Variants in FGF5 observed in about 807,000 individuals in gnomAD.
The protein encoded by FGF5 is fibroblast growth factor 5.
Under a neutral mutation model 21.8 loss-of-function variants are expected in FGF5, and 23 were observed. The ratio of observed to expected loss-of-function variants is 1.05; its 90% CI spans 0.76 to 1.49. The LOEUF is 1.49. Ranked by LOEUF, FGF5 falls within the 40% of genes most tolerant of loss-of-function variation. The probability of loss-of-function intolerance (pLI) is 0.00; values close to 1 mark genes in which losing one functional copy is unlikely to be tolerated. For missense variants in FGF5, 352 were observed against 332.9 expected, an observed-to-expected ratio of 1.06 and a Z score of -0.45; for synonymous variants, 158 against 124.0, an observed-to-expected ratio of 1.27 and a Z score of -1.82.
Position 80,290,314 on chromosome 4 carries a change from T to C in FGF5, c.*3642T>C, listed in dbSNP as rs900001661. On this transcript the variant is annotated 3_prime_UTR_variant, in exon 3 of 3. Coordinates refer to ENST00000312465, the MANE Select transcript of FGF5 (RefSeq NM_004464.4). ...TTTTTTAAAAGTTTTGAAGGAAACC[T>C]CTGGATAAATGGACAAGGCCTAATT... 3.9e-5 allele frequency: 6 copies of C among 152,150 alleles called. No individual in the cohort carries two copies. Among genetic ancestry groups the C allele is most frequent in the Admixed American group, 6.5e-5 (1 of 15,270 alleles). The allele number at this position is 152,150 out of a possible 1,614,324, so 9.4% of individuals were successfully genotyped here. A position where few individuals can be genotyped will look rare whatever the true frequency, so the allele number is the denominator to read the frequency against.
At chr4:80,280,581 C>T (rs1391479475) in intron 2 of FGF5, among the ~76,000 whole-genome samples, 1 of 152,192 alleles carries the variant, frequency 6.6e-6, no homozygotes, top group African/African-American at 2.4e-5. Flanking sequence ...TATTCTGGCA[C>T]TTAATAAATG....
In FGF5 at chr4:80,267,324, G is replaced by C. The variant is rs1720125463; in HGVS notation, c.355+145G>C. On this transcript the variant is annotated intron_variant, in intron 1 of 2. Coordinates refer to ENST00000312465, the MANE Select transcript of FGF5 (RefSeq NM_004464.4). Reference sequence around the variant, plus strand: ...CTGATACTCAGAAACAGCCGGGCGGGTTGGGTGGAGATGCATCTATATGGC... The same window carrying C: ...CTGATACTCAGAAACAGCCGGGCGGCTTGGGTGGAGATGCATCTATATGGC... The C allele has an allele frequency of 6.0e-6, 4 of 669,276 alleles. No individual in the cohort carries two copies. In the Admixed American group the frequency reaches 1.2e-4, roughly 20 times the overall value. 41.5% of individuals were successfully genotyped at this position (669,276 alleles called of 1,614,324 possible).
At chr4:80,268,655 G>A (rs891380937) in intron 1 of FGF5, 1 of 351,754 alleles carries the variant, frequency 2.8e-6, no homozygotes, top group African/African-American at 2.2e-5. Context: ...GAGAAAAGCA[G>A]GTCTATGCCC....
Position 80,267,193 on chromosome 4 carries a change from T to A in FGF5, c.355+14T>A. 7.6e-6 allele frequency: 12 copies of A among 1,577,644 alleles called. No individual in the cohort carries two copies. Among genetic ancestry groups the A allele is most frequent in the Non-Finnish European group, 1.0e-5 (12 of 1,158,778 alleles). Reference sequence around the variant, plus strand: ...CCAATATGTTAAGTAAGTTACTCGCTCTCCTACAAAACCCGTCCTAGGCGG... The same window carrying A: ...CCAATATGTTAAGTAAGTTACTCGCACTCCTACAAAACCCGTCCTAGGCGG... On this transcript the variant is annotated intron_variant, in intron 1 of 2. Coordinates refer to ENST00000312465, the MANE Select transcript of FGF5 (RefSeq NM_004464.4).
chr4:80,274,987 C>G lies in FGF5; in HGVS notation c.434C>G (p.Ser145Ter), dbSNP rs187291419. The change falls in exon 2 of 3, where the codon TCA (serine) becomes TGA (stop). Residue 145 changes from serine (S) to a stop codon, truncating the protein, a stop_gained. Coordinates refer to ENST00000312465, the MANE Select transcript of FGF5 (RefSeq NM_004464.4). LOFTEE classifies it high-confidence loss of function. The stretch of plus-strand genomic sequence containing the variant: ...TTCAGCAACAAATTTTTAGCGATGT[C>G]AAAAAAAGGAAAACTCCATGCAAGT... ...GVFSNKFLAM[S>*]KKGKLHASAK... 1.3e-6 allele frequency: 2 copies of G among 1,570,592 alleles called. No individual in the cohort carries two copies. Among genetic ancestry groups the G allele is most frequent in the East Asian group, 2.3e-5 (1 of 43,978 alleles).
chr4:80,286,577 AAGCCACCT>A lies in FGF5; in HGVS notation c.717_724del (p.Pro240TyrfsTer34). The A allele has an allele frequency of 6.2e-7, 1 of 1,614,068 alleles. No individual in the cohort carries two copies. The highest frequency in any genetic ancestry group is 8.5e-7 in the Non-Finnish European group (1 of 1,179,968). On this transcript the variant is annotated frameshift_variant, in exon 3 of 3. Coordinates refer to ENST00000312465, the MANE Select transcript of FGF5 (RefSeq NM_004464.4). LOFTEE classifies it high-confidence loss of function. ...CACGGTTACTGTTCCTGAAAAGAAA[AAGCCACCT>A]AGCCCTATCAAGCCAAAGATTCCCC... is the stretch of plus-strand genomic sequence containing the variant.
intron 1 of FGF5, among the ~76,000 whole-genome samples, chr4:80,274,436 A>G (rs1220330659): frequency 6.6e-6 from 1 of 152,062 alleles, no homozygotes; most frequent in Non-Finnish European, 1.5e-5. Flanking sequence ...TGATAATTAG[A>G]GTAGAGGAAT....
In FGF5 at chr4:80,288,334, A is replaced by G. The variant is rs1481929373; in HGVS notation, c.*1662A>G. ...TAGTACACACATATATATAACAAATAATATATTAAAAAACCCATCCATCAA... is the reference window on the plus strand; with the variant it reads ...TAGTACACACATATATATAACAAATGATATATTAAAAAACCCATCCATCAA... On this transcript the variant is annotated 3_prime_UTR_variant, in exon 3 of 3. Coordinates refer to ENST00000312465, the MANE Select transcript of FGF5 (RefSeq NM_004464.4). 1 of 152,168 alleles carries G rather than the reference A, an allele frequency of 6.6e-6. No individual in the cohort carries two copies. Among genetic ancestry groups the G allele is most frequent in the African/African-American group, 2.4e-5 (1 of 41,464 alleles). The allele number at this position is 152,168 out of a possible 1,614,324, so 9.4% of individuals were successfully genotyped here. A position where few individuals can be genotyped will look rare whatever the true frequency, so the allele number is the denominator to read the frequency against.
intron 1 of FGF5, among the ~76,000 whole-genome samples, chr4:80,268,092 C>T (rs1485767480): frequency 2.0e-5 from 3 of 152,230 alleles, no homozygotes; most frequent in South Asian, 2.1e-4. Context: ...TGAGTTTTTT[C>T]TTTCAGCACG....
At chr4:80,278,184 A>G (rs1036342155) in intron 2 of FGF5, among the ~76,000 whole-genome samples, 2 of 152,218 alleles carry the variant, frequency 1.3e-5, no homozygotes, top group African/African-American at 4.8e-5. Flanking sequence ...TATAGAAATT[A>G]ATATGTGCGT....
At chr4:80,284,532 C>T (rs964147291) in intron 2 of FGF5, among the ~76,000 whole-genome samples, 1 of 152,128 alleles carries the variant, frequency 6.6e-6, no homozygotes. Context: ...TCCAGAGATT[C>T]ACCAGTAGAC....
chr4:80,286,650 G>A lies in FGF5; in HGVS notation c.785G>A (p.Arg262Lys), dbSNP rs1290255506. 4 of 1,613,572 alleles carry A rather than the reference G, an allele frequency of 2.5e-6. No homozygotes were observed. In the African/African-American group the frequency reaches 5.3e-5, roughly 22 times the overall value. ...PRKNTNSVKY[R>K]LKFRFG is the part of the protein sequence containing the mutation. ...AAAAATACCAACTCAGTGAAATACA[G>A]ACTCAAGTTTCGCTTTGGATAATAT... The change falls in exon 3 of 3, where the codon AGA becomes AAA. Residue 262 changes from arginine to lysine, a missense_variant. Physicochemically the swap from Arg to Lys is conservative, Grantham distance 26. Transcript: ENST00000312465.
chr4:80,273,796 C>T (rs1720335155), intron 1 of FGF5, among the ~76,000 whole-genome samples: 1 of 152,060 alleles, frequency 6.6e-6, no homozygotes, highest in African/African-American at 2.4e-5. Context: ...CCTTCAGCCT[C>T]AGCCTTCCAA....
rs545815177 is a variant in FGF5 at position 80,266,677 on chromosome 4, C to G, written c.-148C>G. The G allele has an allele frequency of 6.9e-4, 468 of 676,034 alleles. 4 individuals are homozygous for G. Among genetic ancestry groups the G allele is most frequent in the African/African-American group, 6.8e-3 (379 of 55,532 alleles). The allele number at this position is 676,034 out of a possible 1,614,324, so 41.9% of individuals were successfully genotyped here. On this transcript the variant is annotated 5_prime_UTR_variant, in exon 1 of 3. Coordinates refer to ENST00000312465, the MANE Select transcript of FGF5 (RefSeq NM_004464.4). ...GCGCGGAGATCCGCTCGGGTGGCCT[C>G]TCTCTTCCCCTCTCCCCTTCTCTTC...
chr4:80,280,408 G>A (rs572622502), intron 2 of FGF5, among the ~76,000 whole-genome samples: 1 of 152,348 alleles, frequency 6.6e-6, no homozygotes, highest in African/African-American at 2.4e-5. Flanking sequence ...TTTCTTTGAT[G>A]ATTTGAAGAG....
intron 2 of FGF5, among the ~76,000 whole-genome samples, chr4:80,281,545 A>G (rs535911550): frequency 1.3e-5 from 2 of 152,322 alleles, no homozygotes; most frequent in East Asian, 3.9e-4. Flanking sequence ...TTGATTAAGT[A>G]CACACAAATT....
intron 1 of FGF5, chr4:80,268,669 C>T (rs1018733022): frequency 3.4e-6 from 1 of 294,814 alleles, no homozygotes; most frequent in Admixed American, 6.5e-5. Flanking sequence ...TATGCCCGCC[C>T]CTCTGCGCCT....
chr4:80,279,454 A>G (rs1333308868), intron 2 of FGF5, among the ~76,000 whole-genome samples: 1 of 152,144 alleles, frequency 6.6e-6, no homozygotes, highest in Non-Finnish European at 1.5e-5. Flanking sequence ...TGACCCTTAA[A>G]TTATTCAGGC....
intron 2 of FGF5, among the ~76,000 whole-genome samples, chr4:80,279,988 T>C (rs773001705): frequency 3.3e-5 from 5 of 152,238 alleles, no homozygotes; most frequent in Non-Finnish European, 7.3e-5. Flanking sequence ...GACTCCAGAA[T>C]GGACTTCCTG....
Sources: gnomAD v4.1 joint callset for allele counts (sites outside exome capture counted in the v4.1 genomes callset) on GRCh38, gnomAD v4.1.1 for gene constraint, MANE v1.5 for transcripts, NCBI Gene and HGNC (gene_info 2026-07-23, HGNC 2026-07-21) for gene names.